PECAM1: variants seen among roughly 807,000 people sequenced by gnomAD.
The protein encoded by PECAM1 is platelet and endothelial cell adhesion molecule 1.
In PECAM1, 8 loss-of-function variants were observed where a neutral mutation model predicts 13.8. The ratio of observed to expected loss-of-function variants is 0.58; its 90% CI spans 0.34 to 1.05. PECAM1 has a LOEUF of 1.05. PECAM1 is among the 50% of genes least tolerant of loss of function. PECAM1 has a pLI of 0.03. For synonymous variants in PECAM1, 136 were observed against 52.6 expected (o/e 2.58, Z -6.86); for missense variants, 304 against 141.2 (o/e 2.15, Z -5.84).
At chr17:64,382,849 G>A (rs1390409712) in intron 2 of PECAM1, among the ~76,000 whole-genome samples, 1 of 151,882 alleles carries the variant, frequency 6.6e-6, no homozygotes, top group African/African-American at 2.4e-5. Flanking sequence ...CCAGCCTCCT[G>A]GCTAACATGG....
intron 14 of PECAM1, among the ~76,000 whole-genome samples, chr17:64,339,382 C>T (rs2035368472): frequency 1.3e-5 from 2 of 152,240 alleles, no homozygotes; most frequent in East Asian, 3.9e-4. Context: ...GGACAAATCC[C>T]ATTGAAAGAC....
rs190266519 is a variant in PECAM1, at chr17:64,327,405, A to T, written c.2187+2295T>A. 2.3e-3 allele frequency among the ~76,000 whole-genome samples: 346 copies of T among 152,314 alleles called. 2 individuals carry two copies. The highest frequency in any genetic ancestry group is 2.1e-3 in the Non-Finnish European group (143 of 68,020). ...TCCACTTTATAGATAAGGAAGCTTG[A>T]GCTTGAGGAAGACAGGCTCACCCAA... On this transcript the variant is annotated intron_variant, in intron 15 of 15. Coordinates refer to ENST00000563924, the MANE Select transcript of PECAM1 (RefSeq NM_000442.5).
At chr17:64,354,772 A>C (rs896391756) in intron 9 of PECAM1, among the ~76,000 whole-genome samples, 161 bp downstream of exon 9, 1 of 152,228 alleles carries the variant, frequency 6.6e-6, no homozygotes, top group African/African-American at 2.4e-5. Flanking sequence ...ACAAAGATGC[A>C]ATTTCCCCCC....
intron 6 of PECAM1, among the ~76,000 whole-genome samples, chr17:64,362,513 G>T (rs912868227): frequency 6.6e-6 from 1 of 152,066 alleles, no homozygotes; most frequent in African/African-American, 2.4e-5. Context: ...TTATCCGGGC[G>T]TGGTTGCGGG....
At chr17:64,390,342 G>A in intron 2 of PECAM1, 147 bp downstream of exon 2, 1 of 408,526 alleles carries the variant, frequency 2.4e-6, no homozygotes. Context: ...TGCCCACATG[G>A]GATAAACTTT....
intron 15 of PECAM1, among the ~76,000 whole-genome samples, chr17:64,329,238 G>T (rs548282450): frequency 6.6e-6 from 1 of 152,246 alleles, no homozygotes; most frequent in Non-Finnish European, 1.5e-5. Context: ...TATGATAAGT[G>T]ATCACATGTC....
At chr17:64,355,108 A>G (rs1432110415) in intron 8 of PECAM1, 68 bp from the exon 9 acceptor site, 1 of 442,692 alleles carries the variant, frequency 2.3e-6, no homozygotes, top group Non-Finnish European at 4.1e-6. Context: ...AAGAAATAAT[A>G]TCAGGCTTAA....
chr17:64,373,611 T>C, intron 4 of PECAM1, among the ~76,000 whole-genome samples: 1 of 151,902 alleles, frequency 6.6e-6, no homozygotes, highest in East Asian at 1.9e-4. Context: ...GGATCATGTG[T>C]GGTTTTCTCT....
intron 4 of PECAM1, among the ~76,000 whole-genome samples, chr17:64,374,783 C>CAAA (rs118196499): frequency 1.4e-5 from 2 of 147,734 alleles, no homozygotes. Flanking sequence ...GACTCTGTCT[C>CAAA]AAAAAAAAAA....
chr17:64,321,310 G>T lies in PECAM1; in HGVS notation c.*2506C>A. ...GTGCTCCTGGGATGCTTCAGGTTTAGACACCGGGGTTACGGCAGCTGCCGA... is the reference window on the plus strand; with the variant it reads ...GTGCTCCTGGGATGCTTCAGGTTTATACACCGGGGTTACGGCAGCTGCCGA... On this transcript the variant is annotated 3_prime_UTR_variant, in exon 16 of 16. Coordinates refer to ENST00000563924, the MANE Select transcript of PECAM1 (RefSeq NM_000442.5). The T allele has an allele frequency of 2.2e-6, 1 of 451,134 alleles. No homozygotes were observed. The highest frequency in any genetic ancestry group is 2.9e-6 in the Non-Finnish European group (1 of 341,710). The allele number at this position is 451,134 out of a possible 1,614,324, so 27.9% of individuals were successfully genotyped here.
chr17:64,347,471 A>G (rs1238823158), intron 13 of PECAM1, among the ~76,000 whole-genome samples: 2 of 149,850 alleles, frequency 1.3e-5, no homozygotes, highest in African/African-American at 4.9e-5. Context: ...CAGAGGTTGC[A>G]GTGAGCTGAG....
intron 7 of PECAM1, 112 bp from the exon 8 acceptor site, chr17:64,356,510 T>C: frequency 2.5e-6 from 1 of 403,936 alleles, no homozygotes; most frequent in Non-Finnish European, 4.4e-6. Flanking sequence ...GTCCCGCTCT[T>C]ATCACCCAGG....
At chr17:64,382,013 C>T (rs2036492331) in intron 2 of PECAM1, among the ~76,000 whole-genome samples, 6 of 152,102 alleles carry the variant, frequency 3.9e-5, no homozygotes, top group Admixed American at 3.9e-4. Flanking sequence ...GGCAGGAGAA[C>T]TGCTTGAACC....
intron 14 of PECAM1, among the ~76,000 whole-genome samples, chr17:64,330,663 A>AT (rs1332469751): frequency 6.6e-6 from 1 of 151,614 alleles, no homozygotes; most frequent in Non-Finnish European, 1.5e-5. Context: ...AGTAGCACAT[A>AT]TTTTTTTAAG....
intron 12 of PECAM1, among the ~76,000 whole-genome samples, chr17:64,349,050 G>A (rs2035651031): frequency 6.6e-6 from 1 of 152,166 alleles, no homozygotes. Flanking sequence ...CTTCTCCACA[G>A]CCACAGGCAA....
chr17:64,345,465 C>A (rs899257820), intron 13 of PECAM1, among the ~76,000 whole-genome samples: 32 of 152,038 alleles, frequency 2.1e-4, no homozygotes, highest in African/African-American at 7.2e-4. Flanking sequence ...GTAATCCCGG[C>A]ACTTTGGGTG....
At chr17:64,376,678 A>T (rs967832444) in intron 3 of PECAM1, among the ~76,000 whole-genome samples, 1 of 152,202 alleles carries the variant, frequency 6.6e-6, no homozygotes, top group Non-Finnish European at 1.5e-5. Context: ...TACTGAGTGA[A>T]ATAGAATATT....
intron 10 of PECAM1, among the ~76,000 whole-genome samples, chr17:64,353,029 C>T (rs2035763690): frequency 6.6e-6 from 1 of 152,086 alleles, no homozygotes; most frequent in African/African-American, 2.4e-5. Context: ...CAGGCTACTA[C>T]CAAGCCCCTG....
chr17:64,341,882 G>T (rs1236166427), intron 13 of PECAM1, among the ~76,000 whole-genome samples, 192 bp from the exon 14 acceptor site: 1 of 152,158 alleles, frequency 6.6e-6, no homozygotes, highest in Non-Finnish European at 1.5e-5. Context: ...GGGCAAGGTG[G>T]CTCATACCTG....
Sources: allele counts gnomAD v4.1 joint callset (sites outside exome capture counted in the v4.1 genomes callset), GRCh38; gene constraint gnomAD v4.1.1; transcripts MANE v1.5; gene names NCBI Gene and HGNC (gene_info 2026-07-23, HGNC 2026-07-21).